RBPJ: variants seen among roughly 807,000 people sequenced by gnomAD.
RBPJ encodes the protein recombination signal binding protein for immunoglobulin kappa J region.
A neutral mutation model predicts 67.8 loss-of-function variants in RBPJ; 9 were observed. That is an observed-to-expected ratio of 0.13 (90% CI 0.08 to 0.23). The LOEUF (loss-of-function observed/expected upper bound fraction) is 0.23. Among genes scored for constraint, RBPJ ranks in the 10% least tolerant of loss-of-function variants. The probability of loss-of-function intolerance (pLI) is 1.00; values close to 1 mark genes in which losing one functional copy is unlikely to be tolerated. For missense variants in RBPJ, 305 were observed against 595.6 expected (o/e 0.51, Z 5.08); for synonymous variants, 198 against 203.3 (o/e 0.97, Z 0.22).
At chr4:26,292,910 T>C (rs542417014) in intron 1 of RBPJ, among the ~76,000 whole-genome samples, 4 of 150,836 alleles carry the variant, frequency 2.7e-5, no homozygotes, top group South Asian at 4.2e-4. Context: ...TTGTGAATAA[T>C]GCTCCAATGA....
chr4:26,165,111 T>C (rs1716217570), intron 1 of RBPJ, among the ~76,000 whole-genome samples: 1 of 152,148 alleles, frequency 6.6e-6, no homozygotes, highest in Admixed American at 6.6e-5. Context: ...CACTGCTCTT[T>C]ATTATGCAAA....
Position 26,349,093 on chromosome 4 carries a change from C to CGCGTGCGCGCGT in RBPJ, c.20+28048_20+28049insTGCGCGCGTGCG, listed in dbSNP as rs1553867513. Among the ~76,000 whole-genome samples, 60 of 150,856 alleles carry CGCGTGCGCGCGT rather than the reference C, an allele frequency of 4.0e-4. 1 individual carries two copies. Among genetic ancestry groups the CGCGTGCGCGCGT allele is most frequent in the Non-Finnish European group, 7.2e-4 (49 of 67,648 alleles). On this transcript the variant is annotated intron_variant, in intron 1 of 10. Transcript: ENST00000355476. ...AAGTTTGTGTGTGTGTGTGTGCGCG[C>CGCGTGCGCGCGT]GCGCACGCACTTGCCAGGCTCTAGA... is the stretch of plus-strand genomic sequence containing the variant.
chr4:26,337,024 C>T (rs144317287), intron 1 of RBPJ, among the ~76,000 whole-genome samples: 5 of 152,040 alleles, frequency 3.3e-5, no homozygotes, highest in Non-Finnish European at 5.9e-5. Flanking sequence ...CGCCCATGGG[C>T]GATCTCTGCT....
the RBPJ span, among the ~76,000 whole-genome samples, chr4:26,156,084 T>C: frequency 1.4e-3 from 210 of 152,324 alleles, 2 homozygotes; most frequent in Middle Eastern, 6.8e-3. Flanking sequence ...GCTTAACCTG[T>C]GGGTTGCAGT....
At chr4:26,338,100 T>C (rs1344471326) in intron 1 of RBPJ, among the ~76,000 whole-genome samples, 1 of 151,146 alleles carries the variant, frequency 6.6e-6, no homozygotes, top group African/African-American at 2.4e-5. Context: ...TTGTTGTTTT[T>C]TTTTCATCTT....
chr4:26,327,078 C>T (rs1205754813), intron 1 of RBPJ, among the ~76,000 whole-genome samples: 1 of 152,142 alleles, frequency 6.6e-6, no homozygotes, highest in African/African-American at 2.4e-5. Context: ...CTAGCTGCTA[C>T]TATCTCTCAG....
chr4:26,296,521 C>T (rs1185721187), intron 1 of RBPJ, among the ~76,000 whole-genome samples: 6 of 152,040 alleles, frequency 3.9e-5, no homozygotes, highest in African/African-American at 7.2e-5. Context: ...ATTTATTCGC[C>T]GCTCTATTTC....
At position 26,198,115 on chromosome 4, in the gene RBPJ, G is replaced by A. The variant is rs563923349; in HGVS notation, c.-167+34501G>A. Among the ~76,000 whole-genome samples the A allele has an allele frequency of 9.9e-5, 15 of 152,170 alleles. No individual in the cohort carries two copies. The East Asian group carries it at 1.2e-3, about 12-fold the overall frequency. ...ACTAAAAATACAAAATTAGCCGGGC[G>A]TGGTGGTACATGCCTGTAATCCCAG... On this transcript the variant is annotated intron_variant, in intron 1 of 4. Coordinates refer to the RBPJ transcript ENST00000512351.
chr4:26,300,898 A>T (rs1186678109), intron 1 of RBPJ, among the ~76,000 whole-genome samples: 1 of 152,222 alleles, frequency 6.6e-6, no homozygotes, highest in African/African-American at 2.4e-5. Context: ...AATATTTGAT[A>T]GAGTAGAGGC....
At chr4:26,348,785 C>G (rs959425515) in intron 1 of RBPJ, among the ~76,000 whole-genome samples, 3 of 151,838 alleles carry the variant, frequency 2.0e-5, no homozygotes, top group Non-Finnish European at 4.4e-5. Flanking sequence ...CTCACTGCAG[C>G]CTTGAACTCC....
chr4:26,237,572 A>T (rs1719493582), intron 1 of RBPJ, among the ~76,000 whole-genome samples: 1 of 152,208 alleles, frequency 6.6e-6, no homozygotes, highest in Admixed American at 6.5e-5. Flanking sequence ...TTTTCCTTCC[A>T]CTACAGGTAT....
chr4:26,168,269 T>C (rs111304350), intron 1 of RBPJ, among the ~76,000 whole-genome samples: 1 of 152,136 alleles, frequency 6.6e-6, no homozygotes, highest in Non-Finnish European at 1.5e-5. Context: ...GCAGGCCTGG[T>C]GGTGACAAAA....
intron 1 of RBPJ, among the ~76,000 whole-genome samples, chr4:26,288,853 T>C (rs1471794386): frequency 1.3e-5 from 2 of 151,456 alleles, no homozygotes; most frequent in African/African-American, 4.9e-5. Flanking sequence ...AGGTCACTTT[T>C]GTACAGTTAT....
chr4:26,412,815 A>G (rs77836015), intron 3 of RBPJ: 42 of 152,236 alleles, frequency 2.8e-4, no homozygotes, highest in African/African-American at 1.0e-3. Context: ...ACTCTGTGCC[A>G]TAGTAAGCAT....
the RBPJ span, chr4:26,112,479 C>A: frequency 6.7e-6 from 1 of 149,346 alleles, no homozygotes; most frequent in African/African-American, 2.5e-5. Flanking sequence ...GGCTCTCACT[C>A]AGATAATTTT....
At chr4:26,362,911 A>G (rs984347839) in intron 1 of RBPJ, among the ~76,000 whole-genome samples, 47 of 152,140 alleles carry the variant, frequency 3.1e-4, no homozygotes, top group African/African-American at 1.1e-3. Context: ...TTCACCAAAT[A>G]GTTTAGGGAT....
At chr4:26,219,926 C>T (rs1477361919) in intron 1 of RBPJ, among the ~76,000 whole-genome samples, 1 of 145,632 alleles carries the variant, frequency 6.9e-6, no homozygotes, top group Non-Finnish European at 1.5e-5. Context: ...CAGGCACCCA[C>T]CACCACGCCC....
intron 1 of RBPJ, among the ~76,000 whole-genome samples, chr4:26,180,341 AAAAAAG>A (rs1050115397): frequency 1.3e-5 from 2 of 152,156 alleles, no homozygotes; most frequent in African/African-American, 4.8e-5. Context: ...TTAAAAAAAA[AAAAAAG>A]AAAGAAAGTA....
At chr4:26,187,663 G>A (rs1717321712) in intron 1 of RBPJ, among the ~76,000 whole-genome samples, 1 of 152,124 alleles carries the variant, frequency 6.6e-6, no homozygotes, top group South Asian at 2.1e-4. Flanking sequence ...AGGAGGTTTA[G>A]AACAATTTCT....
Sources: allele counts gnomAD v4.1 joint callset (sites outside exome capture counted in the v4.1 genomes callset), GRCh38; gene constraint gnomAD v4.1.1; transcripts MANE v1.5; gene names NCBI Gene and HGNC (gene_info 2026-07-23, HGNC 2026-07-21).